The following HELB variants were observed in gnomAD, a reference collection of about 807,000 sequenced individuals.
The protein encoded by HELB is DNA 5'-3' helicase B.
A neutral mutation model predicts 101.7 loss-of-function variants in HELB; 96 were observed. The observed-to-expected ratio is 0.94, with a 90% CI of 0.80 to 1.12. The LOEUF (loss-of-function observed/expected upper bound fraction) is 1.12. Among genes scored for constraint, HELB ranks in the 50% most tolerant of loss-of-function variants. The pLI is 0.00. For missense variants in HELB, 1,210 were observed against 1,291.9 expected (o/e 0.94, Z 0.97); for synonymous variants, 437 against 459.7 (o/e 0.95, Z 0.63).
intron 6 of HELB, among the ~76,000 whole-genome samples, chr12:66,317,298 A>G (rs993088169): frequency 2.7e-4 from 41 of 152,342 alleles, no homozygotes; most frequent in Admixed American, 1.3e-3. Flanking sequence ...CGTGGGCCAG[A>G]CAAGCTTGAA....
rs1391879847 is a variant in HELB, at chr12:66,310,050, TC to T, written c.1124del (p.Pro375LeufsTer28). On this transcript the variant is annotated frameshift_variant, in exon 4 of 13. Transcript: ENST00000247815. LOFTEE classifies it high-confidence loss of function. ...FSICDLMKKPPWHLCVDVEKV... is the reference protein window; with the variant it reads ...FSICDLMKKPXWHLCVDVEKV... ...CAATTTGTGACCTGATGAAGAAACC[TC>T]CTTGGCATTTATGTGTCGATGTCGA... 1 of 1,614,084 alleles carries T rather than the reference TC, an allele frequency of 6.2e-7. No homozygotes were observed. Among genetic ancestry groups the T allele is most frequent in the Admixed American group, 1.7e-5 (1 of 60,012 alleles).
Position 66,323,796 on chromosome 12 carries a change from G to A in HELB, c.2298-187G>A, listed in dbSNP as rs1298329047. Among the ~76,000 whole-genome samples, 49 of 152,210 alleles carry A rather than the reference G, an allele frequency of 3.2e-4. 1 individual carries two copies. The highest frequency in any genetic ancestry group is 3.2e-3 in the Admixed American group (49 of 15,286). On this transcript the variant is annotated intron_variant, in intron 9 of 12. Coordinates refer to ENST00000247815, the MANE Select transcript of HELB (RefSeq NM_001370285.1). ...GAGTTTGAGACGTTGCAGGGAGTATGTATAAATAATCAGATGACAGCTATG... is the reference window on the plus strand; with the variant it reads ...GAGTTTGAGACGTTGCAGGGAGTATATATAAATAATCAGATGACAGCTATG...
chr12:66,314,621 A>G (rs2136997137), intron 5 of HELB, among the ~76,000 whole-genome samples: 1 of 152,276 alleles, frequency 6.6e-6, no homozygotes, highest in Admixed American at 6.5e-5. Context: ...TCTGTAGACC[A>G]TATGATTTAA....
intron 11 of HELB, among the ~76,000 whole-genome samples, chr12:66,330,554 T>C (rs1048459193): frequency 6.7e-6 from 1 of 149,588 alleles, no homozygotes; most frequent in Admixed American, 6.7e-5. Flanking sequence ...TGTGTATCTA[T>C]CTATCTGTCT....
chr12:66,305,168 C>T lies in HELB; in HGVS notation c.607+18C>T, dbSNP rs1592629201. The T allele has an allele frequency of 7.1e-7, 1 of 1,414,654 alleles. No homozygotes were observed. Among genetic ancestry groups the T allele is most frequent in the Non-Finnish European group, 9.7e-7 (1 of 1,035,668 alleles). The allele number at this position is 1,414,654 out of a possible 1,614,324, so 87.6% of individuals were successfully genotyped here. On this transcript the variant is annotated intron_variant, in intron 2 of 12. Coordinates refer to ENST00000247815, the MANE Select transcript of HELB (RefSeq NM_001370285.1). Reference sequence around the variant, plus strand: ...AAACACAAGTAAGTGTGATTTTTATCATCAACTTTCAGTGTAATTGACATA... The same window carrying T: ...AAACACAAGTAAGTGTGATTTTTATTATCAACTTTCAGTGTAATTGACATA...
chr12:66,305,314 T>C (rs959117895), intron 2 of HELB, among the ~76,000 whole-genome samples, 164 bp downstream of exon 2: 4 of 152,246 alleles, frequency 2.6e-5, no homozygotes, highest in African/African-American at 9.6e-5. Context: ...AGGTTTCTCA[T>C]CTGTAGCATG....
intron 10 of HELB, chr12:66,324,629 A>G: frequency 3.4e-6 from 1 of 292,758 alleles, no homozygotes; most frequent in South Asian, 4.0e-5. Flanking sequence ...CAGTGTAGAT[A>G]CCCTCACTGA....
rs771636969 is a variant in HELB, at chr12:66,310,002, T to C, written c.1074T>C (p.His358=). 3.7e-6 allele frequency: 6 copies of C among 1,614,098 alleles called. No homozygotes were observed. In the African/African-American group the frequency reaches 6.7e-5, roughly 18 times the overall value. Residue 358 remains histidine, a synonymous_variant, in exon 4 of 13, where the codon CAT becomes CAC. Coordinates refer to ENST00000247815, the MANE Select transcript of HELB (RefSeq NM_001370285.1). The part of the protein sequence containing the change: ...KSCVFPYDLY[H]AERAIAFSIC... ...GTGTCTTCCCTTATGACCTTTACCATGCTGAAAGAGCCATCGCCTTTTCAA... is the reference window on the plus strand; with the variant it reads ...GTGTCTTCCCTTATGACCTTTACCACGCTGAAAGAGCCATCGCCTTTTCAA...
rs563476451 is a variant in HELB, at chr12:66,314,388, A to G, written c.1858+225A>G. 6.6e-5 allele frequency among the ~76,000 whole-genome samples: 10 copies of G among 152,244 alleles called. No individual in the cohort carries two copies. In the East Asian group the frequency reaches 1.9e-3, roughly 29 times the overall value. ...GGGATGTGAATGAAATAGGGTTGTT[A>G]AGGGCTACTGCTAATCACCTAAATG... On this transcript the variant is annotated intron_variant, in intron 5 of 12. Transcript: ENST00000247815.
rs543735430 is a variant in HELB, at chr12:66,321,989, T to C, written c.2197T>C (p.Leu733=). Residue 733 remains leucine (L), a synonymous_variant, in exon 8 of 13, where the codon TTA becomes CTA. Transcript: ENST00000247815. ...AVKTLLQENN[L]QNAKTSQFIA... ...TAAAACTTTACTACAAGAAAATAAC[T>C]TACAAAATGCAAAAACATCACAATT... 2.5e-6 allele frequency: 3 copies of C among 1,194,772 alleles called. No individual in the cohort carries two copies. The African/African-American group carries it at 4.5e-5, about 18-fold the overall frequency. 74.0% of individuals were successfully genotyped at this position (1,194,772 alleles called of 1,614,324 possible).
At chr12:66,312,739 A>G (rs1433270035) in intron 4 of HELB, among the ~76,000 whole-genome samples, 1 of 152,262 alleles carries the variant, frequency 6.6e-6, no homozygotes, top group Non-Finnish European at 1.5e-5. Context: ...AGAGCACTGG[A>G]GTGCCATTTA....
At chr12:66,320,417 G>C (rs1208037632) in intron 7 of HELB, among the ~76,000 whole-genome samples, 1 of 152,124 alleles carries the variant, frequency 6.6e-6, no homozygotes, top group Non-Finnish European at 1.5e-5. Context: ...TTGTGACTTA[G>C]AAATGTATGT....
In HELB at chr12:66,331,353, C is replaced by A; in HGVS notation, c.2870C>A (p.Ser957Tyr). The A allele has an allele frequency of 6.2e-7, 1 of 1,614,206 alleles. No individual in the cohort carries two copies. The stretch of plus-strand genomic sequence containing the variant: ...CATTTCTTGCAAAGTAAGCTCTCCT[C>A]TAGCGGCGCACCTCCAGCAGATTTT... ...LKHFLQSKLS[S>Y]SGAPPADFPS... The change falls in exon 12 of 13, where the codon TCT becomes TAT. Residue 957 changes from serine to tyrosine, a missense_variant. Ser to Tyr is a moderately radical substitution (Grantham distance 144). Around this residue, in one of 2 missense-constraint regions of HELB, gnomAD observed 740 missense variants for 728.8 expected, o/e 1.02. Transcript: ENST00000247815.
Position 66,322,026 on chromosome 12 carries a change from G to C in HELB, c.2234G>C (p.Arg745Thr). The stretch of plus-strand genomic sequence containing the variant: ...AAAACATCACAATTTATTGCATTTA[G>C]AAGGTAAAGCATTTATAATATTTTA... ...NAKTSQFIAF[R>T]RQDCDLINDC... is the part of the protein sequence containing the mutation. The change falls in exon 8 of 13, where the codon AGA (arginine) becomes ACA (threonine). Residue 745 changes from arginine (R) to threonine (T), a missense_variant. Arg to Thr is a moderately conservative substitution (Grantham distance 71). Transcript: ENST00000247815. 9.2e-7 allele frequency: 1 copy of C among 1,090,522 alleles called. No individual in the cohort carries two copies. The allele number at this position is 1,090,522 out of a possible 1,614,324, so 67.6% of individuals were successfully genotyped here. A position where few individuals can be genotyped will look rare whatever the true frequency, so the allele number is the denominator to read the frequency against.
At chr12:66,325,624 C>T (rs1245740985) in intron 11 of HELB, among the ~76,000 whole-genome samples, 6 of 152,012 alleles carry the variant, frequency 3.9e-5, no homozygotes, top group Non-Finnish European at 8.8e-5. Context: ...ACTTCTGCCC[C>T]GAATTTGGTA....
At chr12:66,306,670 T>G (rs978986294) in intron 3 of HELB, among the ~76,000 whole-genome samples, 156 bp downstream of exon 3, 3 of 152,346 alleles carry the variant, frequency 2.0e-5, no homozygotes, top group Non-Finnish European at 4.4e-5. Context: ...AAACTTCTTA[T>G]GGCTATAGCA....
chr12:66,321,812 C>T, intron 7 of HELB, 136 bp from the exon 8 acceptor site: 2 of 547,842 alleles, frequency 3.7e-6, no homozygotes, highest in East Asian at 3.3e-5. Flanking sequence ...GTTGACATTC[C>T]CATGGTGAAC....
chr12:66,332,265 C>T (rs1302562544), intron 12 of HELB, among the ~76,000 whole-genome samples: 2 of 152,204 alleles, frequency 1.3e-5, no homozygotes, highest in African/African-American at 4.8e-5. Flanking sequence ...CTTTCACTCT[C>T]TACCATCTTC....
chr12:66,304,840 A>T lies in HELB; in HGVS notation c.297A>T (p.Ser99=), dbSNP rs768209863. The part of the protein sequence containing the change: ...VKVQVKPVVG[S]RSYQYQVQGF... ...TACAAGTAAAGCCTGTGGTGGGATCAAGGAGCTATCAATATCAAGTTCAAG... is the reference window on the plus strand; with the variant it reads ...TACAAGTAAAGCCTGTGGTGGGATCTAGGAGCTATCAATATCAAGTTCAAG... Residue 99 remains serine, a synonymous_variant, in exon 2 of 13, where the codon TCA becomes TCT. Coordinates refer to ENST00000247815, the MANE Select transcript of HELB (RefSeq NM_001370285.1). 2.5e-6 allele frequency: 4 copies of T among 1,614,136 alleles called. No individual in the cohort carries two copies. The highest frequency in any genetic ancestry group is 3.4e-6 in the Non-Finnish European group (4 of 1,180,012).
Sources: gnomAD v4.1 joint callset for allele counts (sites outside exome capture counted in the v4.1 genomes callset) on GRCh38, gnomAD v4.1.1 for gene constraint, gnomAD v4.1.1 regional missense constraint, MANE v1.5 for transcripts, NCBI Gene and HGNC (gene_info 2026-07-23, HGNC 2026-07-21) for gene names.